Variants in NKAIN2 observed in about 807,000 individuals in gnomAD.
NKAIN2 encodes the protein sodium/potassium transporting ATPase interacting 2.
A neutral mutation model predicts 32.6 loss-of-function variants in NKAIN2; 14 were observed. The ratio of observed to expected loss-of-function variants is 0.43; its 90% CI spans 0.28 to 0.67. NKAIN2 has a LOEUF of 0.67. NKAIN2 is among the 30% of genes least tolerant of loss of function. The pLI is 0.17. For missense variants in NKAIN2, 198 were observed against 258.3 expected, an observed-to-expected ratio of 0.77 and a Z score of 1.60; for synonymous variants, 80 against 87.2, an observed-to-expected ratio of 0.92 and a Z score of 0.46.
intron 1 of NKAIN2, among the ~76,000 whole-genome samples, chr6:123,842,084 T>G (rs1188157712): frequency 1.3e-5 from 2 of 152,234 alleles, no homozygotes; most frequent in African/African-American, 4.8e-5. Flanking sequence ...ACATCTGATT[T>G]TTCTTTGTTG....
At chr6:124,420,549 T>A (rs1437960298) in intron 3 of NKAIN2, among the ~76,000 whole-genome samples, 1 of 152,096 alleles carries the variant, frequency 6.6e-6, no homozygotes, top group East Asian at 1.9e-4. Context: ...GGCTTCTCAG[T>A]GTTAAAATTG....
At position 123,846,818 on chromosome 6, in the gene NKAIN2, C is replaced by T. The variant is rs148295200; in HGVS notation, c.54+42564C>T. ...ATTTTCATTCTATTACCACCCCCCA[C>T]GCCACCGCCACACACACGCACGCGC... is the stretch of plus-strand genomic sequence containing the variant. On this transcript the variant is annotated intron_variant, in intron 1 of 6. Transcript: ENST00000368417. Among the ~76,000 whole-genome samples the T allele has an allele frequency of 4.8e-3, 694 of 143,306 alleles. 4 individuals are homozygous for T. Among genetic ancestry groups the T allele is most frequent in the African/African-American group, 0.012 (487 of 40,932 alleles). The allele number at this position is 143,306 out of a possible 152,430, so 94.0% of individuals were successfully genotyped here. A position where few individuals can be genotyped will look rare whatever the true frequency, so the allele number is the denominator to read the frequency against.
intron 1 of NKAIN2, among the ~76,000 whole-genome samples, chr6:123,937,280 A>G (rs974937839): frequency 3.3e-5 from 5 of 152,100 alleles, no homozygotes; most frequent in African/African-American, 9.7e-5. Context: ...ACTAAATTCA[A>G]CTTAACTCAT....
At chr6:124,132,659 A>T (rs1322486006) in intron 1 of NKAIN2, among the ~76,000 whole-genome samples, 1 of 152,228 alleles carries the variant, frequency 6.6e-6, no homozygotes, top group Non-Finnish European at 1.5e-5. Context: ...TGGGAAGGCC[A>T]ACACAATAAA....
intron 2 of NKAIN2, among the ~76,000 whole-genome samples, chr6:124,344,018 A>C (rs1798276328): frequency 6.6e-6 from 1 of 152,158 alleles, no homozygotes. Context: ...ATAAGGTATA[A>C]GGAAGGCATC....
At position 124,065,851 on chromosome 6, in the gene NKAIN2, C is replaced by T. The variant is rs529641695; in HGVS notation, c.55-217154C>T. 9.2e-5 allele frequency among the ~76,000 whole-genome samples: 14 copies of T among 152,222 alleles called. No individual in the cohort carries two copies. In the East Asian group the frequency reaches 2.5e-3, roughly 27 times the overall value. ...CACTTATAATATTTTAAATACCAAA[C>T]ATGTAATTAAAACTGCTTCTGTTGT... On this transcript the variant is annotated intron_variant, in intron 1 of 6. Coordinates refer to ENST00000368417, the MANE Select transcript of NKAIN2 (RefSeq NM_001040214.3).
intron 4 of NKAIN2, among the ~76,000 whole-genome samples, chr6:124,769,018 A>G (rs913746688): frequency 6.6e-6 from 1 of 152,202 alleles, no homozygotes; most frequent in Non-Finnish European, 1.5e-5. Context: ...TGAACAATCT[A>G]TAGTCACATG....
chr6:123,889,480 A>G (rs1582721395), intron 1 of NKAIN2, among the ~76,000 whole-genome samples: 2 of 152,114 alleles, frequency 1.3e-5, no homozygotes, highest in South Asian at 2.1e-4. Context: ...CTCATTTGCT[A>G]CTGGTGACAT....
chr6:124,630,637 A>G (rs992957033), intron 3 of NKAIN2, among the ~76,000 whole-genome samples: 4 of 152,164 alleles, frequency 2.6e-5, no homozygotes, highest in African/African-American at 9.7e-5. Context: ...AGTGATTGCT[A>G]TGAATTACAG....
At chr6:124,637,917 T>G (rs553822113) in intron 3 of NKAIN2, among the ~76,000 whole-genome samples, 1 of 152,180 alleles carries the variant, frequency 6.6e-6, no homozygotes, top group Admixed American at 6.5e-5. Context: ...TTCTAATACT[T>G]GTATGGAACC....
chr6:124,044,809 A>G (rs1782042969), intron 1 of NKAIN2, among the ~76,000 whole-genome samples: 1 of 152,086 alleles, frequency 6.6e-6, no homozygotes, highest in Non-Finnish European at 1.5e-5. Context: ...AACATCCTCA[A>G]ATTATCATTG....
Position 124,430,993 on chromosome 6 carries a change from C to T in NKAIN2, c.273+75646C>T, listed in dbSNP as rs563929208. ...CTCATGTCTTGCTAATATGCATGACCTCCATAGACATGTAAATGGAACTTT... is the reference window on the plus strand; with the variant it reads ...CTCATGTCTTGCTAATATGCATGACTTCCATAGACATGTAAATGGAACTTT... On this transcript the variant is annotated intron_variant, in intron 3 of 6. Transcript: ENST00000368417. 3.3e-5 allele frequency among the ~76,000 whole-genome samples: 5 copies of T among 152,248 alleles called. No homozygotes were observed. In the South Asian group the frequency reaches 6.2e-4, roughly 19 times the overall value.
chr6:123,808,291 A>G (rs972333603), intron 1 of NKAIN2, among the ~76,000 whole-genome samples: 3 of 152,284 alleles, frequency 2.0e-5, no homozygotes, highest in South Asian at 2.1e-4. Context: ...TTCAGATGCC[A>G]TTGATGATAA....
chr6:124,401,203 A>G (rs115338973), intron 3 of NKAIN2, among the ~76,000 whole-genome samples: 1,846 of 152,308 alleles, frequency 0.012, 37 homozygotes, highest in African/African-American at 0.043. Context: ...CACATTTCTG[A>G]GGAGTATATA....
intron 3 of NKAIN2, among the ~76,000 whole-genome samples, chr6:124,503,206 A>G (rs1273490759): frequency 6.6e-6 from 1 of 152,108 alleles, no homozygotes; most frequent in Non-Finnish European, 1.5e-5. Context: ...CTTTTAACTA[A>G]TATTTGTACA....
intron 1 of NKAIN2, among the ~76,000 whole-genome samples, chr6:123,910,262 G>A (rs910042597): frequency 6.6e-6 from 1 of 152,028 alleles, no homozygotes; most frequent in African/African-American, 2.4e-5. Flanking sequence ...AACACTGTAT[G>A]TACAGTTTAA....
At chr6:124,170,842 G>C (rs111875285) in intron 1 of NKAIN2, among the ~76,000 whole-genome samples, 144 of 152,118 alleles carry the variant, frequency 9.5e-4, no homozygotes, top group African/African-American at 3.4e-3. Context: ...TCATATCTGT[G>C]GTCTCTTTCG....
chr6:124,799,697 G>A (rs776383040), intron 5 of NKAIN2, among the ~76,000 whole-genome samples: 6 of 152,108 alleles, frequency 3.9e-5, no homozygotes, highest in Non-Finnish European at 8.8e-5. Flanking sequence ...TTTCTGGCAG[G>A]GTAAGTTGAA....
At chr6:124,648,142 G>T (rs995093538) in intron 3 of NKAIN2, among the ~76,000 whole-genome samples, 2 of 152,156 alleles carry the variant, frequency 1.3e-5, no homozygotes, top group African/African-American at 2.4e-5. Context: ...CAGCTCCACT[G>T]AAAAGAAAGC....
Sources: gnomAD v4.1 joint callset for allele counts (sites outside exome capture counted in the v4.1 genomes callset) on GRCh38, gnomAD v4.1.1 for gene constraint, MANE v1.5 for transcripts, NCBI Gene and HGNC (gene_info 2026-07-23, HGNC 2026-07-21) for gene names.